CENPP: variants seen among roughly 807,000 people sequenced by gnomAD.
CENPP encodes the protein centromere protein P.
CENPP carries 24 observed loss-of-function variants against 35.6 expected under a neutral mutation model. The observed-to-expected ratio is 0.67, with a 90% confidence interval of 0.49 to 0.95. The LOEUF is 0.95. Among genes scored for constraint, CENPP ranks in the 40% least tolerant of loss-of-function variants. The pLI, the probability that CENPP is intolerant of heterozygous loss-of-function variation, is 0.00. For synonymous variants in CENPP, 120 were observed against 125.5 expected (o/e 0.96, Z 0.29); for missense variants, 332 against 345.3 (o/e 0.96, Z 0.31).
intron 5 of CENPP, among the ~76,000 whole-genome samples, chr9:92,561,830 CT>C (rs913839260): frequency 6.6e-6 from 1 of 152,202 alleles, no homozygotes; most frequent in African/African-American, 2.4e-5. Context: ...TGAGCACCTA[CT>C]GGCTGCCAGA....
At chr9:92,358,307 A>G (rs1258541941) in intron 4 of CENPP, among the ~76,000 whole-genome samples, 1 of 151,870 alleles carries the variant, frequency 6.6e-6, no homozygotes, top group East Asian at 1.9e-4. Flanking sequence ...CAGTGGCGCA[A>G]TCTCAGCTCA....
intron 4 of CENPP, among the ~76,000 whole-genome samples, chr9:92,360,987 G>A (rs900376092): frequency 3.3e-5 from 5 of 151,870 alleles, no homozygotes; most frequent in African/African-American, 9.7e-5. Context: ...GATTACAGGC[G>A]TGAGCCCCCG....
At chr9:92,417,465 C>A in intron 5 of CENPP, 1 of 1,613,880 alleles carries the variant, frequency 6.2e-7, no homozygotes, top group South Asian at 1.1e-5. Flanking sequence ...GGCTCTTGGT[C>A]ATAGTCTTCA....
intron 5 of CENPP, among the ~76,000 whole-genome samples, chr9:92,515,770 AGAGT>A (rs1193887117): frequency 2.6e-5 from 4 of 152,204 alleles, no homozygotes; most frequent in African/African-American, 9.7e-5. Context: ...TTATAGAGAG[AGAGT>A]TTTCCTCCTT....
intron 5 of CENPP, among the ~76,000 whole-genome samples, chr9:92,578,418 A>T (rs1363497063): frequency 6.6e-6 from 1 of 152,004 alleles, no homozygotes; most frequent in Non-Finnish European, 1.5e-5. Context: ...TCCCACCAAC[A>T]GTGTAAAAGT....
Position 92,443,294 on chromosome 9 carries a change from A to G in CENPP, c.564+63435A>G, listed in dbSNP as rs189861254. On this transcript the variant is annotated intron_variant, in intron 5 of 7. Transcript: ENST00000375587. ...CAATATAAAAATATCAATTTTTACC[A>G]TATATTACCAATACATAATTGGAAA... 2.0e-3 allele frequency among the ~76,000 whole-genome samples: 309 copies of G among 152,326 alleles called. 1 individual carries two copies. Among genetic ancestry groups the G allele is most frequent in the Admixed American group, 5.5e-3 (84 of 15,294 alleles).
intron 4 of CENPP, among the ~76,000 whole-genome samples, chr9:92,353,013 G>A (rs982055048): frequency 2.6e-5 from 4 of 151,992 alleles, no homozygotes; most frequent in African/African-American, 9.7e-5. Flanking sequence ...AGTCATAATT[G>A]TGCCTAACAT....
intron 5 of CENPP, among the ~76,000 whole-genome samples, chr9:92,610,222 CT>C (rs1327938827): frequency 6.6e-6 from 1 of 152,140 alleles, no homozygotes; most frequent in Non-Finnish European, 1.5e-5. Context: ...GGCCCGGCTA[CT>C]TTTTGTATTT....
intron 5 of CENPP, among the ~76,000 whole-genome samples, chr9:92,442,895 A>G (rs772238428): frequency 2.6e-5 from 4 of 152,018 alleles, no homozygotes; most frequent in Admixed American, 1.3e-4. Flanking sequence ...CATTATGATG[A>G]AAATTTTTAG....
intron 5 of CENPP, among the ~76,000 whole-genome samples, chr9:92,551,504 ATTTAT>A (rs533187767): frequency 7.9e-5 from 12 of 152,106 alleles, no homozygotes; most frequent in Middle Eastern, 3.4e-3. Context: ...CACCTGGCTA[ATTTAT>A]TTTATTTTAT....
intron 6 of CENPP, 143 bp downstream of exon 6, chr9:92,611,536 C>G (rs1392464078): frequency 1.5e-6 from 1 of 657,078 alleles, no homozygotes; most frequent in Non-Finnish European, 2.6e-6. Context: ...GTGGTCCCAG[C>G]AGATATGCCC....
intron 5 of CENPP, among the ~76,000 whole-genome samples, chr9:92,557,202 T>C (rs929459880): frequency 4.6e-5 from 7 of 152,240 alleles, no homozygotes; most frequent in African/African-American, 1.7e-4. Context: ...GTTAATCTGA[T>C]AGGTTTTCCT....
chr9:92,613,548 G>A lies in CENPP; in HGVS notation c.*399G>A. Reference sequence around the variant, plus strand: ...CTGGTTCCTGCCTCCTGGGGGCTCTGGAGACGGATGCCTATGGCGCCTCAT... The same window carrying A: ...CTGGTTCCTGCCTCCTGGGGGCTCTAGAGACGGATGCCTATGGCGCCTCAT... On this transcript the variant is annotated 3_prime_UTR_variant, in exon 8 of 8. Coordinates refer to ENST00000375587, the MANE Select transcript of CENPP (RefSeq NM_001012267.3). The A allele has an allele frequency of 4.8e-6, 1 of 209,370 alleles. No homozygotes were observed. The highest frequency in any genetic ancestry group is 5.2e-5 in the Admixed American group (1 of 19,346). The allele number at this position is 209,370 out of a possible 1,614,324, so 13.0% of individuals were successfully genotyped here.
chr9:92,466,465 AT>A, intron 5 of CENPP: 1 of 1,611,934 alleles, frequency 6.2e-7, no homozygotes, highest in Non-Finnish European at 8.5e-7. Flanking sequence ...ATTAAGTGGT[AT>A]TTCACTTAGT....
At chr9:92,344,442 A>G (rs1461841000) in intron 3 of CENPP, among the ~76,000 whole-genome samples, 2 of 152,132 alleles carry the variant, frequency 1.3e-5, no homozygotes, top group South Asian at 2.1e-4. Flanking sequence ...TTCACATACC[A>G]TATAACTTAC....
chr9:92,534,015 A>C (rs1229091664), intron 5 of CENPP, among the ~76,000 whole-genome samples: 1 of 152,070 alleles, frequency 6.6e-6, no homozygotes, highest in Non-Finnish European at 1.5e-5. Flanking sequence ...TTTGCTGTTT[A>C]ATGTATCCTT....
At chr9:92,600,321 C>T in intron 5 of CENPP, 1 of 1,502,202 alleles carries the variant, frequency 6.7e-7, no homozygotes, top group Non-Finnish European at 8.9e-7. Flanking sequence ...CTTGCATTTG[C>T]TGTTTGTTTA....
Position 92,325,977 on chromosome 9 carries a change from C to A in CENPP, c.-22C>A. On this transcript the variant is annotated 5_prime_UTR_variant, in exon 1 of 8. Coordinates refer to ENST00000375587, the MANE Select transcript of CENPP (RefSeq NM_001012267.3). The stretch of plus-strand genomic sequence containing the variant: ...CGGAGTGACAGCTGCGCTGCCGGCC[C>A]GGCTGCGGTCAGCAACGCGCCATGG... 1 of 1,542,306 alleles carries A rather than the reference C, an allele frequency of 6.5e-7. No individual in the cohort carries two copies. Among genetic ancestry groups the A allele is most frequent in the Non-Finnish European group, 8.8e-7 (1 of 1,140,304 alleles).
intron 5 of CENPP, chr9:92,460,409 A>T: frequency 1.0e-6 from 1 of 979,818 alleles, no homozygotes; most frequent in Non-Finnish European, 1.6e-6. Flanking sequence ...AGTGATCTCT[A>T]CCAGGGTCCC....
Sources: allele counts gnomAD v4.1 joint callset (sites outside exome capture counted in the v4.1 genomes callset), GRCh38; gene constraint gnomAD v4.1.1; transcripts MANE v1.5; gene names NCBI Gene and HGNC (gene_info 2026-07-23, HGNC 2026-07-21).